Variants in CDC5L observed in about 807,000 individuals in gnomAD.
The protein encoded by CDC5L is cell division cycle 5 like.
In CDC5L, 18 loss-of-function variants were observed where a neutral mutation model predicts 104.1. The ratio of observed to expected loss-of-function variants is 0.17; its 90% CI spans 0.12 to 0.26. CDC5L has a LOEUF of 0.26. Ranked by LOEUF, CDC5L falls within the 10% of genes least tolerant of loss-of-function variation. The probability of loss-of-function intolerance (pLI) is 1.00; values close to 1 mark genes in which losing one functional copy is unlikely to be tolerated. For synonymous variants in CDC5L, 331 were observed against 322.7 expected (o/e 1.03, Z -0.28); for missense variants, 673 against 956.9 (o/e 0.70, Z 3.91).
chr6:44,412,605 T>TC (rs1791697540), intron 8 of CDC5L, among the ~76,000 whole-genome samples: 1 of 150,486 alleles, frequency 6.6e-6, no homozygotes, highest in Non-Finnish European at 1.5e-5. Flanking sequence ...AAAAATAGTT[T>TC]TTTTTTTAAT....
intron 13 of CDC5L, among the ~76,000 whole-genome samples, chr6:44,427,573 T>C (rs1308431565): frequency 6.6e-6 from 1 of 152,196 alleles, no homozygotes; most frequent in Non-Finnish European, 1.5e-5. Flanking sequence ...ATTGCATAAG[T>C]AATACATTAT....
chr6:44,438,069 C>G (rs546700121), intron 14 of CDC5L, among the ~76,000 whole-genome samples: 1 of 152,272 alleles, frequency 6.6e-6, no homozygotes, highest in African/African-American at 2.4e-5. Flanking sequence ...CCGCCTCAGT[C>G]TCCCAAGTAG....
At chr6:44,402,357 G>T (rs1277000512) in intron 5 of CDC5L, among the ~76,000 whole-genome samples, 2 of 152,122 alleles carry the variant, frequency 1.3e-5, no homozygotes, top group African/African-American at 4.8e-5. Flanking sequence ...TTATATTCTT[G>T]TGTTTCTTAC....
At chr6:44,394,889 TATACAC>T (rs762315178) in intron 4 of CDC5L, among the ~76,000 whole-genome samples, 10,565 of 27,402 alleles carry the variant, frequency 0.39, 1,365 homozygotes, top group East Asian at 0.72. Context: ...AAAAAAATGG[TATACAC>T]ACACACACAC....
chr6:44,418,283 G>T (rs1367647980), intron 8 of CDC5L, among the ~76,000 whole-genome samples: 2 of 152,106 alleles, frequency 1.3e-5, no homozygotes, highest in Non-Finnish European at 2.9e-5. Context: ...TGCTGAGAAT[G>T]ATGGTTTCCA....
At chr6:44,407,621 C>T (rs7761421) in intron 7 of CDC5L, among the ~76,000 whole-genome samples, 248 of 152,216 alleles carry the variant, frequency 1.6e-3, no homozygotes, top group African/African-American at 5.7e-3. Flanking sequence ...CATGAGCCAC[C>T]GTGCCCAGCT....
intron 11 of CDC5L, among the ~76,000 whole-genome samples, chr6:44,425,505 G>A (rs1314548127): frequency 6.6e-6 from 1 of 151,370 alleles, no homozygotes; most frequent in Non-Finnish European, 1.5e-5. Context: ...GTCCATTGCT[G>A]GATGATTTTA....
Position 44,424,525 on chromosome 6 carries a change from A to T in CDC5L, c.1511A>T (p.Glu504Val). The T allele has an allele frequency of 6.2e-7, 1 of 1,614,006 alleles. No homozygotes were observed. The highest frequency in any genetic ancestry group is 1.1e-5 in the South Asian group (1 of 91,066). ...GAAAATGCCGAGAAGGAGCTGGAAG[A>T]ACGTGAAATAGATGATACTTACATT... Reference protein sequence around the residue: ...LPENAEKELEEREIDDTYIED... With the variant: ...LPENAEKELEVREIDDTYIED... The change falls in exon 11 of 16, where the codon GAA (glutamate) becomes GTA (valine). Residue 504 changes from glutamate (E) to valine (V), a missense_variant. By Grantham distance (121) the Glu-to-Val change is moderately radical. Around this residue, in one of 4 missense-constraint regions of CDC5L, gnomAD observed 578 missense variants for 737.0 expected, o/e 0.78. Transcript: ENST00000371477.
intron 14 of CDC5L, among the ~76,000 whole-genome samples, chr6:44,444,867 T>A (rs543150905): frequency 6.6e-6 from 1 of 152,224 alleles, no homozygotes; most frequent in South Asian, 2.1e-4. Flanking sequence ...GAGGAATTGG[T>A]AGGCCTAAAG....
chr6:44,399,903 G>A (rs151058015), intron 5 of CDC5L, among the ~76,000 whole-genome samples: 4 of 151,854 alleles, frequency 2.6e-5, no homozygotes, highest in African/African-American at 7.3e-5. Context: ...TGCCTGCCTC[G>A]GCCTTCCAAA....
intron 14 of CDC5L, among the ~76,000 whole-genome samples, chr6:44,442,747 A>G (rs1190314448): frequency 6.6e-6 from 1 of 152,196 alleles, no homozygotes; most frequent in African/African-American, 2.4e-5. Flanking sequence ...AGAGTATTAG[A>G]ATGTTTGGAT....
intron 14 of CDC5L, among the ~76,000 whole-genome samples, chr6:44,440,507 T>G (rs1793134691): frequency 6.6e-6 from 1 of 152,108 alleles, no homozygotes; most frequent in African/African-American, 2.4e-5. Context: ...CCTTCCAAAG[T>G]GCTGGGATTA....
chr6:44,404,160 T>C, intron 6 of CDC5L, 133 bp downstream of exon 6: 1 of 558,854 alleles, frequency 1.8e-6, no homozygotes, highest in Non-Finnish European at 2.8e-6. Context: ...CAATTTTTTT[T>C]TTGAGACAGG....
intron 1 of CDC5L, among the ~76,000 whole-genome samples, chr6:44,388,610 C>T (rs1296746238): frequency 1.3e-5 from 2 of 150,958 alleles, no homozygotes; most frequent in African/African-American, 2.4e-5. Context: ...CCGAATTTAT[C>T]AGTTTCTGGA....
chr6:44,428,862 C>T (rs561488334), intron 13 of CDC5L, among the ~76,000 whole-genome samples: 105 of 152,242 alleles, frequency 6.9e-4, no homozygotes, highest in African/African-American at 2.5e-3. Context: ...ATGCCTAGCT[C>T]CCCTTTACCA....
At chr6:44,411,680 TTTA>T (rs1233678799) in intron 8 of CDC5L, among the ~76,000 whole-genome samples, 3 of 130,380 alleles carry the variant, frequency 2.3e-5, no homozygotes, top group Non-Finnish European at 3.2e-5. Flanking sequence ...GACTTTGTTT[TTTA>T]TTATCACTCT....
At chr6:44,399,473 T>G (rs982643466) in intron 5 of CDC5L, among the ~76,000 whole-genome samples, 3 of 152,216 alleles carry the variant, frequency 2.0e-5, no homozygotes, top group Non-Finnish European at 4.4e-5. Context: ...CCTGTTCTGC[T>G]TATGTTGGTG....
At position 44,403,968 on chromosome 6, in the gene CDC5L, A is replaced by G. The variant is rs1329665054; in HGVS notation, c.699A>G (p.Gln233=). The G allele has an allele frequency of 6.2e-7, 1 of 1,613,782 alleles. No homozygotes were observed. The highest frequency in any genetic ancestry group is 1.3e-5 in the African/African-American group (1 of 75,010). ...ATGATACTTCTGAGGAAAACTACCA[A>G]GCTCTTGACGCAGATTTCAGGAAAT... ...GFYDTSEENY[Q]ALDADFRKLR... Residue 233 remains glutamine, a synonymous_variant, in exon 6 of 16, where the codon CAA becomes CAG. Coordinates refer to ENST00000371477, the MANE Select transcript of CDC5L (RefSeq NM_001253.4).
At chr6:44,411,200 G>T (rs973064865) in intron 8 of CDC5L, among the ~76,000 whole-genome samples, 1 of 152,048 alleles carries the variant, frequency 6.6e-6, no homozygotes, top group Admixed American at 6.6e-5. Context: ...TGGGTGGGGG[G>T]CAATCACAAG....
Sources: gnomAD v4.1 joint callset for allele counts (sites outside exome capture counted in the v4.1 genomes callset) on GRCh38, gnomAD v4.1.1 for gene constraint, gnomAD v4.1.1 regional missense constraint, MANE v1.5 for transcripts, NCBI Gene and HGNC (gene_info 2026-07-23, HGNC 2026-07-21) for gene names.